The following HAUS7 variants were observed in gnomAD, a reference collection of about 807,000 sequenced individuals.
HAUS7 encodes the protein HAUS augmin-like complex subunit 7.
A neutral mutation model predicts 28.4 loss-of-function variants in HAUS7; 3 were observed. That is an observed-to-expected ratio of 0.11 (90% CI 0.05 to 0.27). The LOEUF (loss-of-function observed/expected upper bound fraction) is 0.27, where lower values mean the gene tolerates loss of function less well. Among genes scored for constraint, HAUS7 ranks in the 10% least tolerant of loss-of-function variants. The pLI is 1.00. For synonymous variants in HAUS7, 165 were observed against 132.1 expected (o/e 1.25, Z -1.71); for missense variants, 284 against 297.3 (o/e 0.96, Z 0.33).
chrX:153,491,571 G>A (rs782784162), intron 1 of HAUS7, among the ~76,000 whole-genome samples: 2 of 112,725 alleles, frequency 1.8e-5, no homozygotes, highest in African/African-American at 3.2e-5. Context: ...CATGGCTGCC[G>A]CCCCACCTGC....
At chrX:153,463,117 C>T (rs1556983711) in intron 3 of HAUS7, 1 of 334,397 alleles carries the variant, frequency 3.0e-6, no homozygotes, top group African/African-American at 2.6e-5. Flanking sequence ...GGTGGAAGAC[C>T]TTGTTCCATT....
intron 1 of HAUS7, among the ~76,000 whole-genome samples, chrX:153,490,669 G>A (rs1556989452): frequency 1.8e-5 from 2 of 112,803 alleles, no homozygotes; most frequent in Non-Finnish European, 3.8e-5. Context: ...CTCGGAGTGA[G>A]GCCCACTCAA....
At chrX:153,486,105 C>A (rs1191041061) in intron 1 of HAUS7, 9 of 932,928 alleles carry the variant, frequency 9.6e-6, no homozygotes, top group Non-Finnish European at 1.2e-5. Context: ...AGGTAGGGCC[C>A]CCCTCCTCGA....
At chrX:153,451,515 T>C in intron 9 of HAUS7, among the ~76,000 whole-genome samples, 1 of 111,928 alleles carries the variant, frequency 8.9e-6, no homozygotes, top group South Asian at 3.7e-4. Flanking sequence ...CCAAGAGCAG[T>C]GAGAAGCCTG....
At chrX:153,491,084 A>C (rs921226630) in intron 1 of HAUS7, among the ~76,000 whole-genome samples, 1 of 111,619 alleles carries the variant, frequency 9.0e-6, no homozygotes, top group Non-Finnish European at 1.9e-5. Context: ...TTCGAGAAGC[A>C]GCCACCCACA....
intron 1 of HAUS7, among the ~76,000 whole-genome samples, chrX:153,490,318 G>C (rs2089663968): frequency 8.8e-6 from 1 of 113,133 alleles, no homozygotes; most frequent in African/African-American, 3.2e-5. Flanking sequence ...GCCCGGAGGG[G>C]AGAGATGCTG....
chrX:153,480,937 A>T (rs1271575421), intron 1 of HAUS7: 7 of 753,845 alleles, frequency 9.3e-6, no homozygotes, highest in Non-Finnish European at 1.1e-5. Flanking sequence ...ACCGAGGAGG[A>T]CCAGGGCCAG....
chrX:153,489,083 C>T (rs1556989144), intron 1 of HAUS7, among the ~76,000 whole-genome samples: 1 of 112,938 alleles, frequency 8.9e-6, no homozygotes, highest in Non-Finnish European at 1.9e-5. Context: ...GGCCAGGCCT[C>T]AGCCAACCTG....
At chrX:153,467,365 C>T (rs1439422327) in intron 2 of HAUS7, among the ~76,000 whole-genome samples, 3 of 111,784 alleles carry the variant, frequency 2.7e-5, no homozygotes, top group African/African-American at 9.8e-5. Flanking sequence ...TACCAAAATG[C>T]CAATCTCAGC....
At chrX:153,485,951 G>A (rs922111964) in intron 1 of HAUS7, 31 of 973,157 alleles carry the variant, frequency 3.2e-5, no homozygotes, top group Non-Finnish European at 3.9e-5. Flanking sequence ...GCTGCAGGCT[G>A]ACGGCATCCA....
intron 3 of HAUS7, among the ~76,000 whole-genome samples, chrX:153,463,560 C>A (rs2089419842): frequency 8.9e-6 from 1 of 112,631 alleles, no homozygotes; most frequent in Non-Finnish European, 1.9e-5. Context: ...CACCCTGTTC[C>A]CAGCACAGTG....
At chrX:153,491,790 G>T (rs1372145071) in intron 1 of HAUS7, among the ~76,000 whole-genome samples, 16 of 113,195 alleles carry the variant, frequency 1.4e-4, no homozygotes, top group African/African-American at 5.1e-4. Flanking sequence ...CAGCTGAGGG[G>T]GTTGGGCTCC....
chrX:153,493,224 C>A (rs1556990009), intron 1 of HAUS7, among the ~76,000 whole-genome samples: 1 of 112,382 alleles, frequency 8.9e-6, no homozygotes. Context: ...TCTGTCCCCA[C>A]AGATGAGCCT....
chrX:153,452,537 A>C (rs890755877), intron 9 of HAUS7, among the ~76,000 whole-genome samples: 2 of 112,489 alleles, frequency 1.8e-5, no homozygotes, highest in Non-Finnish European at 3.7e-5. Context: ...AGAACCAACA[A>C]GGGAATTAAA....
rs782173293 is a variant in HAUS7, at chrX:153,454,494, G to A, written c.945C>T (p.Val315=). 1 of 719,988 alleles carries A rather than the reference G, an allele frequency of 1.4e-6. No individual in the cohort carries two copies. The highest frequency in any genetic ancestry group is 2.2e-5 in the South Asian group (1 of 45,489). 59.3% of individuals were successfully genotyped at this position (719,988 alleles called of 1,213,427 possible). The change falls in exon 9 of 10, where the codon GTC becomes GTT. Residue 315 remains valine (V), a synonymous_variant. Transcript: ENST00000370211. ...LTSYSQLLQV[V]MAVADTSAKA... is the part of the protein sequence containing the mutation. ...TCGCAGAGGTGTCAGCAACTGCCAT[G>A]ACCACTTGCAGCAGCTGGGGAGGGA...
At chrX:153,485,798 A>G (rs2089632518) in intron 1 of HAUS7, 1 of 900,943 alleles carries the variant, frequency 1.1e-6, no homozygotes, top group Non-Finnish European at 1.4e-6. Context: ...CCTGTCCTAC[A>G]ACCGGCTGGT....
At chrX:153,460,804 G>A (rs1467692178) in intron 4 of HAUS7, among the ~76,000 whole-genome samples, 4 of 112,485 alleles carry the variant, frequency 3.6e-5, no homozygotes, top group Non-Finnish European at 5.6e-5. Context: ...CCTGCAGACT[G>A]GCAGGGAGCT....
intron 1 of HAUS7, chrX:153,482,192 G>A (rs3020973): frequency 0.61 from 293,902 of 481,130 alleles, 72,597 homozygotes; most frequent in East Asian, 0.99. Flanking sequence ...CCTGGATTCA[G>A]TGGGAACTAG....
upstream of HAUS7, among the ~76,000 whole-genome samples, chrX:153,473,149 A>G (rs1204930476): frequency 9.1e-6 from 1 of 109,953 alleles, no homozygotes; most frequent in Non-Finnish European, 1.9e-5. Context: ...TGTGGAGGGT[A>G]TTGAAAAAGT....
Sources: allele counts gnomAD v4.1 joint callset (sites outside exome capture counted in the v4.1 genomes callset), GRCh38; gene constraint gnomAD v4.1.1; transcripts MANE v1.5; gene names NCBI Gene and HGNC (gene_info 2026-07-23, HGNC 2026-07-21).